The following ABCC9 variants were observed in gnomAD, a reference collection of about 807,000 sequenced individuals.
ABCC9 encodes the protein ATP binding cassette subfamily C member 9, also known as ATP-binding cassette sub-family C member 9.
ABCC9 carries 95 observed loss-of-function variants against 188.3 expected under a neutral mutation model. That is an observed-to-expected ratio of 0.50 (90% CI 0.43 to 0.60). The LOEUF (loss-of-function observed/expected upper bound fraction) is 0.60. Ranked by LOEUF, ABCC9 falls within the 20% of genes least tolerant of loss-of-function variation. The pLI, the probability that ABCC9 is intolerant of heterozygous loss-of-function variation, is 0.00. For synonymous variants in ABCC9, 659 were observed against 652.7 expected (o/e 1.01, Z -0.15); for missense variants, 1,102 against 1,876.3 (o/e 0.59, Z 7.62).
At chr12:21,930,747 G>A (rs1234313948) in intron 4 of ABCC9, among the ~76,000 whole-genome samples, 1 of 152,092 alleles carries the variant, frequency 6.6e-6, no homozygotes, top group African/African-American at 2.4e-5. Flanking sequence ...ATAAATGGTG[G>A]TATATACAGA....
rs1272755202 is a variant in ABCC9 at position 21,797,869 on chromosome 12, G to A, written c.*3175C>T. On this transcript the variant is annotated 3_prime_UTR_variant, in exon 40 of 40. Coordinates refer to ENST00000261200, the MANE Select transcript of ABCC9 (RefSeq NM_020297.4). Reference sequence around the variant, plus strand: ...GCTTCTTATGAGATTAAGGAGTTATGATTTAAAAATTGATTTGACTAATTA... The same window carrying A: ...GCTTCTTATGAGATTAAGGAGTTATAATTTAAAAATTGATTTGACTAATTA... 1 of 152,112 alleles carries A rather than the reference G, an allele frequency of 6.6e-6. No individual in the cohort carries two copies. Among genetic ancestry groups the A allele is most frequent in the Non-Finnish European group, 1.5e-5 (1 of 68,016 alleles). 9.4% of individuals were successfully genotyped at this position (152,112 alleles called of 1,614,324 possible). A position where few individuals can be genotyped will look rare whatever the true frequency, so the allele number is the denominator to read the frequency against.
intron 12 of ABCC9, among the ~76,000 whole-genome samples, chr12:21,902,106 C>A (rs1267525162): frequency 6.6e-6 from 1 of 152,168 alleles, no homozygotes; most frequent in Non-Finnish European, 1.5e-5. Flanking sequence ...TCTCTCAGAC[C>A]ACAGTGCAAT....
At position 21,889,444 on chromosome 12, in the gene ABCC9, G is replaced by A. The variant is rs559692978; in HGVS notation, c.1803-1510C>T. Among the ~76,000 whole-genome samples the A allele has an allele frequency of 2.2e-3, 337 of 152,180 alleles. 3 individuals are homozygous for A. Among genetic ancestry groups the A allele is most frequent in the African/African-American group, 4.9e-3 (204 of 41,524 alleles). On this transcript the variant is annotated intron_variant, in intron 14 of 39. Coordinates refer to ENST00000261200, the MANE Select transcript of ABCC9 (RefSeq NM_020297.4). The stretch of plus-strand genomic sequence containing the variant: ...TTGAAAAGATTTGATTTTAAGAAGC[G>A]CAGCTCTGTCAATCAAAGGAATACC...
chr12:21,816,857 A>C (rs887237361), intron 33 of ABCC9, among the ~76,000 whole-genome samples: 2 of 152,168 alleles, frequency 1.3e-5, no homozygotes, highest in Admixed American at 6.6e-5. Context: ...TTAAGATCCA[A>C]ATTTCTTGAC....
At chr12:21,825,144 C>A (rs2137246475) in intron 31 of ABCC9, among the ~76,000 whole-genome samples, 1 of 152,278 alleles carries the variant, frequency 6.6e-6, no homozygotes, top group Admixed American at 6.5e-5. Context: ...CAGGAAACAA[C>A]AGATGCTAGA....
In ABCC9 at chr12:21,848,159, C is replaced by T. The variant is rs143685061; in HGVS notation, c.2857G>A (p.Glu953Lys). ...SREAKAQMED[E>K]DEEEEEEEDE... is the part of the protein sequence containing the mutation. ...AAGAAAAAAGATCTACCTTCGTCTT[C>T]GTCCTCCATCTGGGCTTTGGCTTCT... is the stretch of plus-strand genomic sequence containing the variant. Residue 953 changes from glutamate (E) to lysine (K), a missense_variant, in exon 25 of 40, where the codon GAA (glutamate) becomes AAA (lysine). Transcript: ENST00000261200. The T allele has an allele frequency of 5.9e-5, 95 of 1,613,268 alleles. No homozygotes were observed. The highest frequency in any genetic ancestry group is 1.6e-4 in the East Asian group (7 of 44,886).
intron 15 of ABCC9, among the ~76,000 whole-genome samples, chr12:21,885,741 C>CA (rs1226736593): frequency 6.6e-6 from 1 of 152,088 alleles, no homozygotes; most frequent in Non-Finnish European, 1.5e-5. Context: ...CCTTCTCAGA[C>CA]AAAATCACAC....
chr12:21,806,068 A>T lies in ABCC9; in HGVS notation c.4450-8T>A. The T allele has an allele frequency of 6.2e-7, 1 of 1,611,912 alleles. No homozygotes were observed. The highest frequency in any genetic ancestry group is 8.5e-7 in the Non-Finnish European group (1 of 1,178,670). On this transcript the variant is annotated splice_polypyrimidine_tract_variant and splice_region_variant and intron_variant, in intron 38 of 39. Transcript: ENST00000261200. Reference sequence around the variant, plus strand: ...TTTTTGCAAAATATTCTCCTGCAAAAAAAAAAAAGTGTAAATTTTCTCGGG... The same window carrying T: ...TTTTTGCAAAATATTCTCCTGCAAATAAAAAAAAGTGTAAATTTTCTCGGG...
chr12:21,872,518 C>G, intron 18 of ABCC9, 107 bp downstream of exon 18: 1 of 865,036 alleles, frequency 1.2e-6, no homozygotes, highest in Non-Finnish European at 1.9e-6. Context: ...CTTATTTCTG[C>G]GTGGTCTTCA....
At chr12:21,877,790 G>A (rs1254262527) in intron 16 of ABCC9, among the ~76,000 whole-genome samples, 1 of 152,136 alleles carries the variant, frequency 6.6e-6, no homozygotes, top group Non-Finnish European at 1.5e-5. Flanking sequence ...TAAGAGACAT[G>A]TAAAAGGATG....
intron 30 of ABCC9, among the ~76,000 whole-genome samples, chr12:21,829,851 T>A (rs1359234927): frequency 6.6e-6 from 1 of 152,194 alleles, no homozygotes; most frequent in Non-Finnish European, 1.5e-5. Flanking sequence ...GACAGAAAAC[T>A]ATGCATTTGC....
intron 39 of ABCC9, chr12:21,805,005 G>T: frequency 3.2e-6 from 1 of 315,436 alleles, no homozygotes; most frequent in Non-Finnish European, 4.6e-6. Context: ...ATTCGGTAGT[G>T]AGCATGACAA....
intron 14 of ABCC9, among the ~76,000 whole-genome samples, chr12:21,892,509 C>A (rs1947209442): frequency 6.6e-6 from 1 of 152,268 alleles, no homozygotes; most frequent in South Asian, 2.1e-4. Flanking sequence ...TTCCAGAGCA[C>A]TGCCTAATTT....
intron 30 of ABCC9, among the ~76,000 whole-genome samples, chr12:21,831,793 G>A (rs1943773510): frequency 6.6e-6 from 1 of 152,188 alleles, no homozygotes; most frequent in African/African-American, 2.4e-5. Flanking sequence ...CTTGAGACAG[G>A]TTCTTCTCCC....
chr12:21,912,832 A>G (rs772899987), intron 8 of ABCC9, 40 bp downstream of exon 8: 1 of 1,585,944 alleles, frequency 6.3e-7, no homozygotes, highest in Non-Finnish European at 8.7e-7. Context: ...AATGAAATCC[A>G]TCAATAATAT....
At chr12:21,834,887 A>G (rs886495158) in intron 30 of ABCC9, among the ~76,000 whole-genome samples, 3 of 151,730 alleles carry the variant, frequency 2.0e-5, no homozygotes, top group Non-Finnish European at 2.9e-5. Context: ...CTTCTCACTC[A>G]TAGGATAGTT....
chr12:21,915,062 G>A (rs957437361), intron 7 of ABCC9, among the ~76,000 whole-genome samples: 48 of 151,364 alleles, frequency 3.2e-4, no homozygotes, highest in African/African-American at 9.7e-4. Flanking sequence ...CACCATGCCC[G>A]GCTAATTTTT....
At chr12:21,829,187 ATTTCTTTTT>A (rs1943567713) in intron 30 of ABCC9, 127 bp from the exon 31 acceptor site, 1 of 143,406 alleles carries the variant, frequency 7.0e-6, no homozygotes, top group Admixed American at 1.0e-4. Flanking sequence ...CAGTAAATAG[ATTTCTTTTT>A]TTTTTTTTTT....
intron 30 of ABCC9, among the ~76,000 whole-genome samples, chr12:21,836,048 G>T (rs1340531454): frequency 6.6e-6 from 1 of 152,074 alleles, no homozygotes; most frequent in Non-Finnish European, 1.5e-5. Context: ...AAATCTCATT[G>T]TTCCCACTTC....
Sources: allele counts gnomAD v4.1 joint callset (sites outside exome capture counted in the v4.1 genomes callset), GRCh38; gene constraint gnomAD v4.1.1; transcripts MANE v1.5; gene names NCBI Gene and HGNC (gene_info 2026-07-23, HGNC 2026-07-21).